Variants in HOXA3 observed in about 807,000 individuals in gnomAD.
The protein encoded by HOXA3 is homeobox A3, also known as homeobox protein Hox-A3.
HOXA3 carries 8 observed loss-of-function variants against 30.3 expected under a neutral mutation model. The ratio of observed to expected loss-of-function variants is 0.26; its 90% CI spans 0.15 to 0.48. HOXA3 has a LOEUF of 0.48. Among genes scored for constraint, HOXA3 ranks in the 20% least tolerant of loss-of-function variants. The pLI is 0.99. For missense variants in HOXA3, 653 were observed against 614.4 expected (o/e 1.06, Z -0.66); for synonymous variants, 323 against 273.1 (o/e 1.18, Z -1.80).
chr7:27,140,565 T>C (rs536968177), intron 1 of HOXA3: 1 of 152,112 alleles, frequency 6.6e-6, no homozygotes. Flanking sequence ...TTGTAGCAAA[T>C]TAATTGTAGC....
intron 4 of HOXA3, among the ~76,000 whole-genome samples, chr7:27,112,368 A>G (rs557699528): frequency 6.6e-6 from 1 of 152,244 alleles, no homozygotes; most frequent in Non-Finnish European, 1.5e-5. Context: ...CTACCAGTAG[A>G]TGATTATAAT....
At position 27,108,113 on chromosome 7, in the gene HOXA3, G is replaced by A. The variant is rs767076235; in HGVS notation, c.1134C>T (p.Ser378=). 2.5e-6 allele frequency: 4 copies of A among 1,608,588 alleles called. No homozygotes were observed. Among genetic ancestry groups the A allele is most frequent in the South Asian group, 2.2e-5 (2 of 90,804 alleles). The change falls in exon 6 of 6, where the codon TCC becomes TCT. Residue 378 remains serine, a synonymous_variant. Coordinates refer to ENST00000612286, the MANE Select transcript of HOXA3 (RefSeq NM_153631.3). This position sits in a 1 kb window ranked among gnomAD's most constrained non-coding sequence, Gnocchi z 5.0. ...GAGTTAGACCAAAGAGGGCTGGCCCGGAGTTGCTCATGGGCTCCACATAGC... is the reference window on the plus strand; with the variant it reads ...GAGTTAGACCAAAGAGGGCTGGCCCAGAGTTGCTCATGGGCTCCACATAGC... The part of the protein sequence containing the change: ...GGSYVEPMSN[S]GPALFGLTHL...
chr7:27,143,547 A>G (rs771559743), intron 1 of HOXA3: 2 of 1,612,134 alleles, frequency 1.2e-6, no homozygotes, highest in Admixed American at 3.4e-5. Context: ...TAATTATGCA[A>G]CTGGTAGTCC....
At chr7:27,146,310 A>G (rs970033496) in intron 1 of HOXA3, among the ~76,000 whole-genome samples, 2 of 151,680 alleles carry the variant, frequency 1.3e-5, no homozygotes, top group African/African-American at 4.9e-5. Context: ...TAAGTAGTGT[A>G]CACACTCTGA....
At chr7:27,141,855 C>G (rs1562728301) in intron 1 of HOXA3, 1 of 1,614,168 alleles carries the variant, frequency 6.2e-7, no homozygotes, top group Non-Finnish European at 8.5e-7. Context: ...AAGGCCCCTC[C>G]TGCCGCGGCC....
intron 1 of HOXA3, chr7:27,147,326 G>T (rs757692553): frequency 6.2e-7 from 1 of 1,613,642 alleles, no homozygotes; most frequent in East Asian, 2.2e-5. Flanking sequence ...GAGTTCATCC[G>T]CTGCATCCAA....
intron 1 of HOXA3, chr7:27,151,002 G>A (rs1782953929): frequency 6.6e-6 from 1 of 152,354 alleles, no homozygotes. Context: ...CGCCAGCACG[G>A]TCGCAATAAA....
intron 4 of HOXA3, among the ~76,000 whole-genome samples, chr7:27,118,208 C>T (rs929922105): frequency 6.6e-6 from 1 of 152,192 alleles, no homozygotes; most frequent in African/African-American, 2.4e-5. Flanking sequence ...TCGCCCAGAA[C>T]CGCTCCATGA....
intron 3 of HOXA3, chr7:27,124,681 G>A (rs1785198379): frequency 6.6e-6 from 1 of 152,080 alleles, no homozygotes; most frequent in Admixed American, 6.5e-5. Flanking sequence ...CATTCCTGAC[G>A]ATCTGCATTA....
chr7:27,131,380 CAGCCTGAG>C lies in HOXA3; in HGVS notation c.-389-4318_-389-4311del, dbSNP rs1785555440. ...TCCCCACACCCTGCTCCTTGCGTGT[CAGCCTGAG>C]AGCCCTTGCTTTGAGAAGCTTGGCA... On this transcript the variant is annotated intron_variant, in intron 2 of 5. Coordinates refer to ENST00000612286, the MANE Select transcript of HOXA3 (RefSeq NM_153631.3). 2.6e-5 allele frequency among the ~76,000 whole-genome samples: 4 copies of C among 152,324 alleles called. No individual in the cohort carries two copies. In the South Asian group the frequency reaches 8.3e-4, roughly 32 times the overall value.
chr7:27,127,529 T>C lies in HOXA3; in HGVS notation c.-389-459A>G, dbSNP rs144503665. Among the ~76,000 whole-genome samples the C allele has an allele frequency of 2.0e-5, 3 of 152,370 alleles. No homozygotes were observed. The East Asian group carries it at 5.8e-4, about 29-fold the overall frequency. ...AGGCAGGTGAGCACTTACTCCCATCTATGCTAAAATTACTACATTACTTAA... is the reference window on the plus strand; with the variant it reads ...AGGCAGGTGAGCACTTACTCCCATCCATGCTAAAATTACTACATTACTTAA... On this transcript the variant is annotated intron_variant, in intron 2 of 5. Transcript: ENST00000612286.
intron 3 of HOXA3, among the ~76,000 whole-genome samples, chr7:27,124,820 C>T (rs931788257): frequency 6.6e-6 from 1 of 152,196 alleles, no homozygotes; most frequent in Non-Finnish European, 1.5e-5. Context: ...CACATTCATC[C>T]TTGCCCTGGT....
rs1783011961 is a variant in HOXA3, at chr7:27,152,521, A to T, written c.-727T>A. On this transcript the variant is annotated 5_prime_UTR_variant, in exon 1 of 6. Transcript: ENST00000612286. ...CGCTCGCCATCTCCGGACAAAGCAC[A>T]GCCGAGCCCGGCTGGAAGGCAGAGC... is the stretch of plus-strand genomic sequence containing the variant. The T allele has an allele frequency of 9.3e-6, 11 of 1,179,058 alleles. No homozygotes were observed. The highest frequency in any genetic ancestry group is 1.2e-5 in the Non-Finnish European group (11 of 937,528). The allele number at this position is 1,179,058 out of a possible 1,614,324, so 73.0% of individuals were successfully genotyped here.
intron 1 of HOXA3, chr7:27,145,656 A>T: frequency 6.2e-7 from 1 of 1,612,548 alleles, no homozygotes; most frequent in South Asian, 1.1e-5. Flanking sequence ...CTGCCCAGGC[A>T]TCTACTCGCC....
At chr7:27,114,658 C>T (rs11978817) in intron 4 of HOXA3, among the ~76,000 whole-genome samples, 2 of 145,910 alleles carry the variant, frequency 1.4e-5, no homozygotes, top group Admixed American at 7.1e-5. Flanking sequence ...ATCTCCAGGG[C>T]TCATGTGCCC....
chr7:27,117,432 T>C (rs1784781082), intron 4 of HOXA3, among the ~76,000 whole-genome samples: 1 of 152,118 alleles, frequency 6.6e-6, no homozygotes, highest in African/African-American at 2.4e-5. Context: ...TCCAGCATGC[T>C]CACCCCACCC....
At chr7:27,144,163 T>A (rs1782673079) in intron 1 of HOXA3, among the ~76,000 whole-genome samples, 1 of 152,244 alleles carries the variant, frequency 6.6e-6, no homozygotes, top group Non-Finnish European at 1.5e-5. Flanking sequence ...GCAGCCCCTC[T>A]TATTTTTGTG....
In HOXA3 at chr7:27,108,191, G is replaced by T. The variant is rs1164859943; in HGVS notation, c.1056C>A (p.Asn352Lys). The change falls in exon 6 of 6, where the codon AAC becomes AAA. Residue 352 changes from asparagine to lysine, a missense_variant. Asn to Lys is a moderately conservative substitution (Grantham distance 94). This residue lies in a region of HOXA3 where 330 missense variants were observed against 274.4 expected (regional missense o/e 1.20). Transcript: ENST00000612286. This position sits in a 1 kb window ranked among gnomAD's most constrained non-coding sequence, Gnocchi z 5.0. Reference protein sequence around the residue: ...YDPHAHGLQGNGSYGTPHIQG... With the variant: ...YDPHAHGLQGKGSYGTPHIQG... ...GTATGTGTGGGGTCCCATAGCTGCCGTTGCCCTGCAGGCCATGAGCGTGCG... is the reference window on the plus strand; with the variant it reads ...GTATGTGTGGGGTCCCATAGCTGCCTTTGCCCTGCAGGCCATGAGCGTGCG... 1 of 1,547,262 alleles carries T rather than the reference G, an allele frequency of 6.5e-7. No homozygotes were observed. The highest frequency in any genetic ancestry group is 2.0e-5 in the Admixed American group (1 of 50,824).
intron 1 of HOXA3, among the ~76,000 whole-genome samples, chr7:27,144,321 T>A (rs1043456832): frequency 1.1e-4 from 17 of 152,306 alleles, no homozygotes; most frequent in African/African-American, 3.6e-4. Context: ...TACGGCTCTG[T>A]TTTTGCGAGC....
Sources: gnomAD v4.1 joint callset for allele counts (sites outside exome capture counted in the v4.1 genomes callset) on GRCh38, gnomAD v4.1.1 for gene constraint, gnomAD v4.1.1 regional missense constraint, Gnocchi (gnomAD v3.1) non-coding constraint, MANE v1.5 for transcripts, NCBI Gene and HGNC (gene_info 2026-07-23, HGNC 2026-07-21) for gene names.